The following ADGRB1 variants were observed in gnomAD, a reference collection of about 807,000 sequenced individuals.
ADGRB1 encodes the protein brain-specific angiogenesis inhibitor 1.
A neutral mutation model predicts 175.7 loss-of-function variants in ADGRB1; 36 were observed. The ratio of observed to expected loss-of-function variants is 0.20; its 90% CI spans 0.16 to 0.27. ADGRB1 has a LOEUF of 0.27. Ranked by LOEUF, ADGRB1 falls within the 10% of genes least tolerant of loss-of-function variation. The probability of loss-of-function intolerance (pLI) is 1.00; values close to 1 mark genes in which losing one functional copy is unlikely to be tolerated. For synonymous variants in ADGRB1, 1,054 were observed against 979.4 expected, an observed-to-expected ratio of 1.08 and a Z score of -1.42; for missense variants, 1,731 against 2,255.3, an observed-to-expected ratio of 0.77 and a Z score of 4.71.
rs866330449 is a variant in ADGRB1, at chr8:142,505,176, G to A, written c.2676-5756G>A. Among the ~76,000 whole-genome samples, 16 of 152,196 alleles carry A rather than the reference G, an allele frequency of 1.1e-4. No individual in the cohort carries two copies. In the East Asian group the frequency reaches 1.5e-3, roughly 15 times the overall value. On this transcript the variant is annotated intron_variant, in intron 17 of 30. Transcript: ENST00000517894. Reference sequence around the variant, plus strand: ...CCTCTGCCATCCCATGGACAGGTGCGGGGTGAGGATCTGGGCACATTTCAC... The same window carrying A: ...CCTCTGCCATCCCATGGACAGGTGCAGGGTGAGGATCTGGGCACATTTCAC...
Position 142,543,819 on chromosome 8 carries a change from C to A in ADGRB1, c.4557+111C>A. On this transcript the variant is annotated intron_variant, in intron 30 of 30. Transcript: ENST00000517894. This position sits in a 1 kb window ranked among gnomAD's most constrained non-coding sequence, Gnocchi z 4.4. ...CCATCCATCCATCCATCCATCCATT[C>A]GTTCATTCATTCATTCATTCGCCCA... is the stretch of plus-strand genomic sequence containing the variant. 1.8e-6 allele frequency: 2 copies of A among 1,101,412 alleles called. No individual in the cohort carries two copies. Among genetic ancestry groups the A allele is most frequent in the Non-Finnish European group, 2.7e-6 (2 of 748,280 alleles). The allele number at this position is 1,101,412 out of a possible 1,614,324, so 68.2% of individuals were successfully genotyped here.
intron 1 of ADGRB1, among the ~76,000 whole-genome samples, chr8:142,457,041 C>T (rs763615203): frequency 2.0e-5 from 3 of 152,148 alleles, no homozygotes; most frequent in Non-Finnish European, 4.4e-5. Context: ...AGCTTCAGCA[C>T]GGGGAGCATC....
At position 142,479,394 on chromosome 8, in the gene ADGRB1, C is replaced by T; in HGVS notation, c.1633C>T (p.Arg545Trp). Residue 545 changes from arginine to tryptophan, a missense_variant, in exon 8 of 31, where the codon CGG becomes TGG. Coordinates refer to ENST00000517894, the MANE Select transcript of ADGRB1 (RefSeq NM_001702.3). The stretch of plus-strand genomic sequence containing the variant: ...CACGTGTGGGGCTGGCAGCCAGCGA[C>T]GGGAGCGTGTCTGCTCTGGGCCCTT... ...SVTCGAGSQR[R>W]ERVCSGPFFG... 6.5e-7 allele frequency: 1 copy of T among 1,534,182 alleles called. No homozygotes were observed. Among genetic ancestry groups the T allele is most frequent in the Non-Finnish European group, 8.7e-7 (1 of 1,144,638 alleles).
At chr8:142,506,261 G>A (rs1261831207) in intron 17 of ADGRB1, among the ~76,000 whole-genome samples, 1 of 152,214 alleles carries the variant, frequency 6.6e-6, no homozygotes, top group African/African-American at 2.4e-5. Context: ...GGCTGGACCT[G>A]TCATGGGGCC....
In ADGRB1 at chr8:142,541,997, C is replaced by T. The variant is rs759473326; in HGVS notation, c.3763C>T (p.Arg1255Trp). The stretch of plus-strand genomic sequence containing the variant: ...TGCCACCATCACGGGCACACTGAAG[C>T]GGCCGTCTCTGCCCGAGGAGGAGAA... ...RTATITGTLK[R>W]PSLPEEEKLK... The change falls in exon 28 of 31, where the codon CGG becomes TGG. Residue 1255 changes from arginine (R) to tryptophan (W), a missense_variant. This residue lies in a region of ADGRB1 where 301 missense variants were observed against 488.4 expected (regional missense o/e 0.62). Coordinates refer to ENST00000517894, the MANE Select transcript of ADGRB1 (RefSeq NM_001702.3). 1.9e-5 allele frequency: 30 copies of T among 1,589,552 alleles called. No homozygotes were observed. Among genetic ancestry groups the T allele is most frequent in the Non-Finnish European group, 2.6e-5 (30 of 1,170,094 alleles).
Position 142,489,376 on chromosome 8 carries a change from G to A in ADGRB1, c.2569G>A (p.Val857Met). 2 of 1,612,998 alleles carry A rather than the reference G, an allele frequency of 1.2e-6. No individual in the cohort carries two copies. The highest frequency in any genetic ancestry group is 1.7e-6 in the Non-Finnish European group (2 of 1,179,844). ...VLNSKVISVT[V>M]KPPPRSLRTP... Reference sequence around the variant, plus strand: ...GAATTCTAAGGTGATCTCCGTGACTGTGAAACCCCCGCCTCGCTCCCTGCG... The same window carrying A: ...GAATTCTAAGGTGATCTCCGTGACTATGAAACCCCCGCCTCGCTCCCTGCG... The change falls in exon 16 of 31, where the codon GTG becomes ATG. Residue 857 changes from valine to methionine, a missense_variant. This residue lies in a region of ADGRB1 where 388 missense variants were observed against 630.9 expected (regional missense o/e 0.61). Transcript: ENST00000517894.
intron 25 of ADGRB1, 110 bp downstream of exon 25, chr8:142,533,576 A>G (rs1333706661): frequency 5.4e-6 from 7 of 1,306,592 alleles, no homozygotes; most frequent in African/African-American, 4.4e-5. Context: ...TAGGCGCAGC[A>G]TCCATGACCC....
In ADGRB1 at chr8:142,478,197, G is replaced by A. The variant is rs776351115; in HGVS notation, c.1398G>A (p.Val466=). The A allele has an allele frequency of 2.2e-5, 35 of 1,605,968 alleles. No individual in the cohort carries two copies. Among genetic ancestry groups the A allele is most frequent in the Non-Finnish European group, 2.9e-5 (34 of 1,177,128 alleles). ...TCCTTCCTCCCCCGGGCCGGGCAGT[G>A]GATGGAAACTGGAATGAGTGGTCGA... The part of the protein sequence containing the change: ...CNIALCPGRA[V]DGNWNEWSSW... The change falls in exon 7 of 31, where the codon GTG becomes GTA. Residue 466 remains valine, a synonymous_variant. Transcript: ENST00000517894.
At chr8:142,484,588 G>A (rs992853669) in intron 12 of ADGRB1, 68 bp from the exon 13 acceptor site, 2 of 1,430,194 alleles carry the variant, frequency 1.4e-6, no homozygotes, top group East Asian at 2.4e-5. Flanking sequence ...GGACAGGGAA[G>A]GGAAGGAGGC....
At chr8:142,459,935 C>T (rs753991684) in intron 1 of ADGRB1, among the ~76,000 whole-genome samples, 2 of 152,236 alleles carry the variant, frequency 1.3e-5, no homozygotes, top group African/African-American at 2.4e-5. Flanking sequence ...CCCACTCAGG[C>T]GCTGACGCCT....
chr8:142,511,067 C>A lies in ADGRB1; in HGVS notation c.2811C>A (p.Ala937=). ...TCGCCATCTTAGCCCAGCTCAGCGC[C>A]GACGCGGTGAGACCCCGGCCGGGCC... ...STFAILAQLS[A]DANMEKATLP... The change falls in exon 18 of 31, where the codon GCC becomes GCA. Residue 937 remains alanine, a synonymous_variant. Coordinates refer to ENST00000517894, the MANE Select transcript of ADGRB1 (RefSeq NM_001702.3). The surrounding 1 kb of genome is among the most constrained non-coding windows in gnomAD (Gnocchi z 4.5). The A allele has an allele frequency of 1.7e-6, 2 of 1,190,102 alleles. No individual in the cohort carries two copies. Among genetic ancestry groups the A allele is most frequent in the Non-Finnish European group, 1.1e-6 (1 of 947,618 alleles). The allele number at this position is 1,190,102 out of a possible 1,614,324, so 73.7% of individuals were successfully genotyped here.
Position 142,537,798 on chromosome 8 carries a change from A to C in ADGRB1, c.3666+716A>C, listed in dbSNP as rs369014778. On this transcript the variant is annotated intron_variant, in intron 26 of 30. Transcript: ENST00000517894. This position sits in a 1 kb window ranked among gnomAD's most constrained non-coding sequence, Gnocchi z 4.6. The stretch of plus-strand genomic sequence containing the variant: ...TGGCGGTTCCTACGTAAGGGCCCCC[A>C]ACAGCCCCCTGTGGAGCCTCAACTC... Among the ~76,000 whole-genome samples the C allele has an allele frequency of 9.8e-4, 149 of 152,138 alleles. No homozygotes were observed. The highest frequency in any genetic ancestry group is 3.3e-3 in the African/African-American group (135 of 41,502).
intron 1 of ADGRB1, among the ~76,000 whole-genome samples, chr8:142,458,086 C>A (rs1009919456): frequency 7.0e-6 from 1 of 141,988 alleles, no homozygotes; most frequent in African/African-American, 2.5e-5. Context: ...CCTTTTGTGG[C>A]TGGTGTCTGG....
At chr8:142,525,950 G>A (rs1210611543) in intron 23 of ADGRB1, among the ~76,000 whole-genome samples, 1 of 152,182 alleles carries the variant, frequency 6.6e-6, no homozygotes, top group African/African-American at 2.4e-5. Context: ...AGGATGCTCA[G>A]GGCCAGTGGC....
intron 17 of ADGRB1, among the ~76,000 whole-genome samples, chr8:142,491,809 G>T (rs1457391203): frequency 6.6e-6 from 1 of 152,186 alleles, no homozygotes; most frequent in Admixed American, 6.5e-5. Flanking sequence ...ACTTGTGATG[G>T]TCCCTTGCGT....
At chr8:142,475,659 G>C in intron 3 of ADGRB1, 24 bp downstream of exon 3, 9 of 1,224,354 alleles carry the variant, frequency 7.4e-6, no homozygotes, top group Non-Finnish European at 9.2e-6. Flanking sequence ...GGGCGGGGCG[G>C]AGCCGGAGCC....
At chr8:142,524,353 C>A (rs916283602) in intron 23 of ADGRB1, 49 bp downstream of exon 23, 12 of 1,527,770 alleles carry the variant, frequency 7.9e-6, no homozygotes, top group Middle Eastern at 2.0e-4. Context: ...CTGGGCCCCC[C>A]ACCTGCCTCC....
At chr8:142,476,769 TATGGGTAGTA>T in intron 4 of ADGRB1, 74 bp downstream of exon 4, 1 of 1,364,038 alleles carries the variant, frequency 7.3e-7, no homozygotes, top group Non-Finnish European at 9.9e-7. Flanking sequence ...TGCAGCTAGT[TATGGGTAGTA>T]ACTTGAATAA....
At chr8:142,534,576 G>A (rs535675429) in intron 25 of ADGRB1, among the ~76,000 whole-genome samples, 1 of 152,222 alleles carries the variant, frequency 6.6e-6, no homozygotes, top group Non-Finnish European at 1.5e-5. Flanking sequence ...ACAAGAGGAG[G>A]AAGAGCCAGA....
Sources: gnomAD v4.1 joint callset for allele counts (sites outside exome capture counted in the v4.1 genomes callset) on GRCh38, gnomAD v4.1.1 for gene constraint, gnomAD v4.1.1 regional missense constraint, Gnocchi (gnomAD v3.1) non-coding constraint, MANE v1.5 for transcripts, NCBI Gene and HGNC (gene_info 2026-07-23, HGNC 2026-07-21) for gene names.